Variants in GUCY1A2 observed in about 807,000 individuals in gnomAD.
The protein encoded by GUCY1A2 is guanylate cyclase soluble subunit alpha-2.
Under a neutral mutation model 63.5 loss-of-function variants are expected in GUCY1A2, and 27 were observed. The ratio of observed to expected loss-of-function variants is 0.43; its 90% CI spans 0.31 to 0.59. The LOEUF (loss-of-function observed/expected upper bound fraction) is 0.59. GUCY1A2 is among the 20% of genes least tolerant of loss of function. The probability of loss-of-function intolerance (pLI) is 0.11; values close to 1 mark genes in which losing one functional copy is unlikely to be tolerated. For synonymous variants in GUCY1A2, 364 were observed against 343.5 expected (o/e 1.06, Z -0.66); for missense variants, 768 against 913.3 (o/e 0.84, Z 2.05).
chr11:106,747,077 T>G (rs1863801870), intron 6 of GUCY1A2, among the ~76,000 whole-genome samples: 2 of 152,140 alleles, frequency 1.3e-5, no homozygotes, highest in Admixed American at 6.6e-5. Flanking sequence ...AAGCTCCACC[T>G]CCCGGGTTCA....
chr11:106,802,197 G>T (rs1858613548), intron 5 of GUCY1A2, among the ~76,000 whole-genome samples: 1 of 152,144 alleles, frequency 6.6e-6, no homozygotes, highest in African/African-American at 2.4e-5. Flanking sequence ...GTGAGAGATA[G>T]CGGTCCTGCC....
chr11:106,880,944 G>T (rs551687088), intron 4 of GUCY1A2, among the ~76,000 whole-genome samples: 1 of 152,102 alleles, frequency 6.6e-6, no homozygotes, highest in African/African-American at 2.4e-5. Flanking sequence ...TCTGAAATTT[G>T]AGTTTTAGTG....
intron 4 of GUCY1A2, among the ~76,000 whole-genome samples, chr11:106,923,656 A>T (rs1039331781): frequency 2.0e-4 from 31 of 152,186 alleles, no homozygotes; most frequent in African/African-American, 6.8e-4. Flanking sequence ...TTTAGCAAAT[A>T]TTGACATATA....
chr11:106,745,360 A>G (rs1033132185), intron 6 of GUCY1A2, among the ~76,000 whole-genome samples: 5 of 152,210 alleles, frequency 3.3e-5, no homozygotes, highest in African/African-American at 1.2e-4. Context: ...TACTTTGTCT[A>G]ATTGGTTCTC....
chr11:106,914,539 A>AT (rs1860342806), intron 4 of GUCY1A2, among the ~76,000 whole-genome samples: 1 of 152,094 alleles, frequency 6.6e-6, no homozygotes, highest in African/African-American at 2.4e-5. Flanking sequence ...ACGTCCAGTA[A>AT]GTACAAATAC....
intron 4 of GUCY1A2, among the ~76,000 whole-genome samples, chr11:106,830,948 C>A (rs991838792): frequency 3.9e-5 from 6 of 152,074 alleles, no homozygotes; most frequent in African/African-American, 1.4e-4. Flanking sequence ...ATGAAAGATA[C>A]TACCAACAGG....
At chr11:106,752,125 A>T (rs1308127056) in intron 6 of GUCY1A2, among the ~76,000 whole-genome samples, 3 of 152,366 alleles carry the variant, frequency 2.0e-5, no homozygotes, top group Admixed American at 6.5e-5. Context: ...AGTAATTGCT[A>T]CTAAGGAGAT....
chr11:106,887,511 C>T (rs1342309391), intron 4 of GUCY1A2, among the ~76,000 whole-genome samples: 3 of 152,180 alleles, frequency 2.0e-5, no homozygotes, highest in Non-Finnish European at 4.4e-5. Context: ...AAAGTAACTT[C>T]TTGCACTGTT....
chr11:106,955,188 T>A (rs1860966577), intron 3 of GUCY1A2, among the ~76,000 whole-genome samples: 1 of 152,102 alleles, frequency 6.6e-6, no homozygotes. Context: ...GTCAGGCTGG[T>A]CTTGAACTCC....
intron 5 of GUCY1A2, among the ~76,000 whole-genome samples, chr11:106,800,498 T>A (rs924772391): frequency 2.6e-5 from 4 of 152,066 alleles, no homozygotes; most frequent in African/African-American, 7.2e-5. Context: ...CAAATGTCCA[T>A]CAATGATAGA....
At chr11:106,907,824 G>C (rs912789202) in intron 4 of GUCY1A2, among the ~76,000 whole-genome samples, 3 of 151,952 alleles carry the variant, frequency 2.0e-5, no homozygotes, top group African/African-American at 7.3e-5. Context: ...ATTTGGGTTG[G>C]TTCCAAGTCT....
intron 6 of GUCY1A2, among the ~76,000 whole-genome samples, chr11:106,742,544 T>G (rs1303896019): frequency 6.6e-6 from 1 of 152,252 alleles, no homozygotes; most frequent in East Asian, 1.9e-4. Flanking sequence ...GGCTGCATAG[T>G]ATTCCATGGA....
intron 6 of GUCY1A2, among the ~76,000 whole-genome samples, chr11:106,754,834 T>G (rs1472932414): frequency 6.6e-6 from 1 of 152,204 alleles, no homozygotes; most frequent in Non-Finnish European, 1.5e-5. Context: ...GTTGTGTCTC[T>G]GCCAGGTTTT....
At chr11:106,715,168 G>A (rs1301443840) in intron 6 of GUCY1A2, among the ~76,000 whole-genome samples, 1 of 152,174 alleles carries the variant, frequency 6.6e-6, no homozygotes, top group East Asian at 1.9e-4. Flanking sequence ...ACAATATTCT[G>A]CTTCTTTATT....
chr11:106,945,763 G>A (rs528840013), intron 3 of GUCY1A2, among the ~76,000 whole-genome samples: 15 of 152,240 alleles, frequency 9.9e-5, no homozygotes, highest in East Asian at 1.9e-4. Context: ...TCAGGAGTTC[G>A]AGACCAGCCT....
chr11:106,873,518 C>T (rs1859708705), intron 4 of GUCY1A2, among the ~76,000 whole-genome samples: 1 of 152,146 alleles, frequency 6.6e-6, no homozygotes, highest in Non-Finnish European at 1.5e-5. Context: ...CTCGGACGAT[C>T]AGTGATGTTG....
At chr11:106,762,669 A>T (rs1864086304) in intron 6 of GUCY1A2, among the ~76,000 whole-genome samples, 1 of 152,108 alleles carries the variant, frequency 6.6e-6, no homozygotes, top group Admixed American at 6.6e-5. Context: ...TTTTACATTT[A>T]TTCTAATATT....
chr11:106,781,330 C>T (rs1864459766), intron 5 of GUCY1A2, among the ~76,000 whole-genome samples: 1 of 152,064 alleles, frequency 6.6e-6, no homozygotes. Context: ...AAAGATAATG[C>T]TTATGCAAAT....
At chr11:106,928,239 CAA>C (rs1284667931) in intron 4 of GUCY1A2, among the ~76,000 whole-genome samples, 2 of 151,902 alleles carry the variant, frequency 1.3e-5, no homozygotes, top group Non-Finnish European at 2.9e-5. Flanking sequence ...GTTCAATGGC[CAA>C]AAAAGAGTCA....
Sources: gnomAD v4.1 joint callset for allele counts (sites outside exome capture counted in the v4.1 genomes callset) on GRCh38, gnomAD v4.1.1 for gene constraint, MANE v1.5 for transcripts, NCBI Gene and HGNC (gene_info 2026-07-23, HGNC 2026-07-21) for gene names.